ARHGAP15: variants seen among roughly 807,000 people sequenced by gnomAD.
The protein encoded by ARHGAP15 is Rho GTPase activating protein 15.
ARHGAP15 carries 51 observed loss-of-function variants against 63.7 expected under a neutral mutation model. The ratio of observed to expected loss-of-function variants is 0.80; its 90% CI spans 0.64 to 1.01. The LOEUF (loss-of-function observed/expected upper bound fraction) is 1.01. Among genes scored for constraint, ARHGAP15 ranks in the 50% least tolerant of loss-of-function variants. The pLI is 0.00. For synonymous variants in ARHGAP15, 191 were observed against 193.8 expected, an observed-to-expected ratio of 0.99 and a Z score of 0.12; for missense variants, 560 against 564.6, an observed-to-expected ratio of 0.99 and a Z score of 0.08.
chr2:143,379,804 T>C (rs1191018029), intron 6 of ARHGAP15, among the ~76,000 whole-genome samples: 1 of 151,982 alleles, frequency 6.6e-6, no homozygotes, highest in Non-Finnish European at 1.5e-5. Context: ...ACTATTTTTT[T>C]CAAAGAAAAA....
intron 6 of ARHGAP15, among the ~76,000 whole-genome samples, chr2:143,300,781 A>G (rs1187368411): frequency 6.6e-6 from 1 of 152,052 alleles, no homozygotes; most frequent in Non-Finnish European, 1.5e-5. Flanking sequence ...AATGCAAGGC[A>G]GGCTGGGAAA....
At chr2:143,167,466 C>T (rs1320834225) in intron 2 of ARHGAP15, among the ~76,000 whole-genome samples, 1 of 152,014 alleles carries the variant, frequency 6.6e-6, no homozygotes, top group Non-Finnish European at 1.5e-5. Context: ...GAGAATGGCC[C>T]AGGAAACCCA....
chr2:143,594,061 C>CAT (rs901671734), intron 11 of ARHGAP15, among the ~76,000 whole-genome samples: 1 of 151,970 alleles, frequency 6.6e-6, no homozygotes, highest in Admixed American at 6.6e-5. Context: ...TGTTAAAATA[C>CAT]ATATATATGT....
At chr2:143,339,899 G>A (rs1362181003) in intron 6 of ARHGAP15, among the ~76,000 whole-genome samples, 1 of 152,064 alleles carries the variant, frequency 6.6e-6, no homozygotes, top group Admixed American at 6.6e-5. Context: ...AGAATATTTT[G>A]GGTGTTCTCA....
At chr2:143,432,326 A>C (rs1689424336) in intron 6 of ARHGAP15, among the ~76,000 whole-genome samples, 1 of 152,102 alleles carries the variant, frequency 6.6e-6, no homozygotes, top group Non-Finnish European at 1.5e-5. Context: ...TGCCAGAATG[A>C]ATATTGATGA....
chr2:143,165,960 G>GAGAGAAAGAA (rs1690489553), intron 2 of ARHGAP15, among the ~76,000 whole-genome samples: 1 of 93,594 alleles, frequency 1.1e-5, no homozygotes, highest in Admixed American at 1.2e-4. Context: ...GAAAGAAAGA[G>GAGAGAAAGAA]AGAAAGAAAG....
chr2:143,631,981 T>C (rs151271691), intron 12 of ARHGAP15, among the ~76,000 whole-genome samples: 1 of 152,194 alleles, frequency 6.6e-6, no homozygotes, highest in African/African-American at 2.4e-5. Context: ...TATTCTGCCT[T>C]AAGGTGTCTA....
At chr2:143,419,051 A>T (rs1047143058) in intron 6 of ARHGAP15, among the ~76,000 whole-genome samples, 1 of 152,194 alleles carries the variant, frequency 6.6e-6, no homozygotes, top group African/African-American at 2.4e-5. Context: ...TTTATGTGGT[A>T]ATTGTCACCA....
chr2:143,299,591 C>T (rs1441515499), intron 6 of ARHGAP15, among the ~76,000 whole-genome samples: 1 of 151,908 alleles, frequency 6.6e-6, no homozygotes, highest in Non-Finnish European at 1.5e-5. Context: ...TTACCCTTAT[C>T]TGCCACTTTT....
chr2:143,327,268 C>T (rs1465926833), intron 6 of ARHGAP15, among the ~76,000 whole-genome samples: 1 of 152,194 alleles, frequency 6.6e-6, no homozygotes, highest in Non-Finnish European at 1.5e-5. Flanking sequence ...AATGGAAAAA[C>T]ATTCCATGCT....
intron 12 of ARHGAP15, among the ~76,000 whole-genome samples, chr2:143,663,357 G>C (rs1395239952): frequency 6.6e-6 from 1 of 151,106 alleles, no homozygotes. Flanking sequence ...TTACAGACAA[G>C]CAAATGCTGA....
At chr2:143,630,343 A>G (rs1015929710) in intron 12 of ARHGAP15, among the ~76,000 whole-genome samples, 1 of 152,130 alleles carries the variant, frequency 6.6e-6, no homozygotes, top group Non-Finnish European at 1.5e-5. Flanking sequence ...TTTCTATTTC[A>G]TATGAGTATT....
intron 12 of ARHGAP15, among the ~76,000 whole-genome samples, chr2:143,628,026 A>T (rs1412729452): frequency 6.6e-6 from 1 of 151,726 alleles, no homozygotes; most frequent in African/African-American, 2.4e-5. Flanking sequence ...TGCCATCTTT[A>T]TGTCCATGTG....
intron 5 of ARHGAP15, among the ~76,000 whole-genome samples, chr2:143,231,411 A>G (rs547018287): frequency 2.0e-5 from 3 of 152,286 alleles, no homozygotes; most frequent in Admixed American, 6.5e-5. Context: ...CTCCAAAAGA[A>G]TGTATCCAGA....
chr2:143,453,458 G>T (rs1690500136), intron 8 of ARHGAP15, among the ~76,000 whole-genome samples: 2 of 151,972 alleles, frequency 1.3e-5, no homozygotes, highest in Admixed American at 1.3e-4. Context: ...TTATAGCATT[G>T]TTTGGGAGAA....
At chr2:143,239,037 G>T (rs4427953) in intron 5 of ARHGAP15, among the ~76,000 whole-genome samples, 4 of 152,080 alleles carry the variant, frequency 2.6e-5, no homozygotes, top group Admixed American at 6.5e-5. Flanking sequence ...GAGGTGGGTG[G>T]TGGGGAGAGG....
intron 12 of ARHGAP15, among the ~76,000 whole-genome samples, chr2:143,637,979 A>G (rs1680407935): frequency 6.6e-6 from 1 of 151,582 alleles, no homozygotes; most frequent in African/African-American, 2.4e-5. Flanking sequence ...TAGAATGGCA[A>G]TCATTAAAAA....
rs368521960 is a variant in ARHGAP15, at chr2:143,631,712, C to G, written c.1138+7445C>G. ...TATATTCTTAATGTTAGTTCTTTAT[C>G]AAATATATAACTTGCCAATATTTTC... On this transcript the variant is annotated intron_variant, in intron 12 of 13. Coordinates refer to ENST00000295095, the MANE Select transcript of ARHGAP15 (RefSeq NM_018460.4). Among the ~76,000 whole-genome samples the G allele has an allele frequency of 2.0e-5, 3 of 152,160 alleles. No individual in the cohort carries two copies. The East Asian group carries it at 5.8e-4, about 29-fold the overall frequency.
chr2:143,276,454 C>T (rs934712929), intron 6 of ARHGAP15, among the ~76,000 whole-genome samples: 1 of 152,204 alleles, frequency 6.6e-6, no homozygotes, highest in Non-Finnish European at 1.5e-5. Flanking sequence ...GCCTGCATTG[C>T]TAATGTTTAT....
Sources: gnomAD v4.1 joint callset for allele counts (sites outside exome capture counted in the v4.1 genomes callset) on GRCh38, gnomAD v4.1.1 for gene constraint, MANE v1.5 for transcripts, NCBI Gene and HGNC (gene_info 2026-07-23, HGNC 2026-07-21) for gene names.